Variants in TSPEAR observed in about 807,000 individuals in gnomAD.
The protein encoded by TSPEAR is thrombospondin type laminin G domain and EAR repeats, also known as thrombospondin-type laminin G domain and EAR repeat-containing protein.
TSPEAR carries 69 observed loss-of-function variants against 71.6 expected under a neutral mutation model. The ratio of observed to expected loss-of-function variants is 0.96; its 90% CI spans 0.79 to 1.18. The LOEUF is 1.18. Among genes scored for constraint, TSPEAR ranks in the 50% most tolerant of loss-of-function variants. TSPEAR has a pLI of 0.00. For synonymous variants in TSPEAR, 402 were observed against 387.2 expected, an observed-to-expected ratio of 1.04 and a Z score of -0.45; for missense variants, 971 against 894.9, an observed-to-expected ratio of 1.09 and a Z score of -1.09.
intron 1 of TSPEAR, chr21:44,638,337 G>GAGA: frequency 2.4e-6 from 1 of 411,614 alleles, no homozygotes; most frequent in South Asian, 4.2e-5. Flanking sequence ...ATGGCTGCCT[G>GAGA]TGGGACCCCA....
intron 11 of TSPEAR, 134 bp from the exon 12 acceptor site, chr21:44,500,070 C>T: frequency 1.1e-6 from 1 of 906,192 alleles, no homozygotes; most frequent in Non-Finnish European, 1.6e-6. Context: ...CCCCGACTGG[C>T]ACAGCGTGGG....
rs1473196913 is a variant in TSPEAR, at chr21:44,593,470, C to T, written c.83-25465G>A. On this transcript the variant is annotated intron_variant, in intron 1 of 11. Coordinates refer to ENST00000323084, the MANE Select transcript of TSPEAR (RefSeq NM_144991.3). This position sits in a 1 kb window ranked among gnomAD's most constrained non-coding sequence, Gnocchi z 5.9. The stretch of plus-strand genomic sequence containing the variant: ...GTTGATCTCACTGCAAACCCATTGC[C>T]AGTGTAAACGAAACATAAAATCCTA... Among the ~76,000 whole-genome samples the T allele has an allele frequency of 6.6e-6, 1 of 152,192 alleles. No individual in the cohort carries two copies. The highest frequency in any genetic ancestry group is 1.5e-5 in the Non-Finnish European group (1 of 68,030).
chr21:44,563,821 A>G (rs1330541551), intron 2 of TSPEAR, among the ~76,000 whole-genome samples: 2 of 152,210 alleles, frequency 1.3e-5, no homozygotes, highest in African/African-American at 4.8e-5. Flanking sequence ...CGAGTGTTAT[A>G]TATGTTTAAT....
rs113910251 is a variant in TSPEAR, at chr21:44,595,468, C to T, written c.83-27463G>A. Among the ~76,000 whole-genome samples, 255 of 152,320 alleles carry T rather than the reference C, an allele frequency of 1.7e-3. 2 individuals are homozygous for T. The highest frequency in any genetic ancestry group is 5.9e-3 in the African/African-American group (244 of 41,580). On this transcript the variant is annotated intron_variant, in intron 1 of 11. Coordinates refer to ENST00000323084, the MANE Select transcript of TSPEAR (RefSeq NM_144991.3). ...TCTGTCTGAAGACACCTTACTGAAT[C>T]TATATAGTTGATTTATCAACACTGA...
intron 1 of TSPEAR, among the ~76,000 whole-genome samples, chr21:44,632,112 A>G (rs1179410344): frequency 6.6e-6 from 1 of 152,258 alleles, no homozygotes; most frequent in Non-Finnish European, 1.5e-5. Context: ...ATTTGAAGTA[A>G]TAATGACCAA....
chr21:44,678,158 A>T, intron 1 of TSPEAR: 2 of 535,632 alleles, frequency 3.7e-6, no homozygotes, highest in South Asian at 4.3e-5. Context: ...AGGCATGTGT[A>T]CATATGTCAA....
chr21:44,668,616 A>C (rs1183285578), intron 1 of TSPEAR, among the ~76,000 whole-genome samples: 1 of 152,192 alleles, frequency 6.6e-6, no homozygotes, highest in Non-Finnish European at 1.5e-5. Flanking sequence ...GAGCTGGAGG[A>C]GTCACACTTT....
intron 1 of TSPEAR, among the ~76,000 whole-genome samples, chr21:44,705,452 A>T (rs937411921): frequency 4.6e-5 from 7 of 152,282 alleles, no homozygotes; most frequent in Admixed American, 3.9e-4. Context: ...CAGGAAGAAC[A>T]GAGCCATATT....
In TSPEAR at chr21:44,539,875, G is replaced by A. The variant is rs782811799; in HGVS notation, c.304-5952C>T. On this transcript the variant is annotated intron_variant, in intron 2 of 11. Transcript: ENST00000323084. Reference sequence around the variant, plus strand: ...CGCAGCAGGCCTGCTGGCAGGGGGAGGAGGTGCAGCAAGCCGGCTGGCAGC... The same window carrying A: ...CGCAGCAGGCCTGCTGGCAGGGGGAAGAGGTGCAGCAAGCCGGCTGGCAGC... The A allele has an allele frequency of 1.9e-6, 3 of 1,580,680 alleles. No homozygotes were observed. The African/African-American group carries it at 4.1e-5, about 22-fold the overall frequency.
chr21:44,580,745 CTTG>C, intron 1 of TSPEAR: 1 of 733,522 alleles, frequency 1.4e-6, no homozygotes, highest in Non-Finnish European at 2.3e-6. Context: ...GCTTCTCTTC[CTTG>C]TTGGTGTTTA....
intron 1 of TSPEAR, among the ~76,000 whole-genome samples, chr21:44,708,558 C>G (rs1555952964): frequency 3.7e-4 from 57 of 152,326 alleles, no homozygotes; most frequent in African/African-American, 1.3e-3. Flanking sequence ...CCCCAGTGAT[C>G]TTTTAAGATG....
chr21:44,508,715 C>T, intron 10 of TSPEAR: 2 of 1,231,426 alleles, frequency 1.6e-6, no homozygotes, highest in Non-Finnish European at 1.0e-6. Context: ...GATCTCACAT[C>T]TGTCTCAACA....
chr21:44,590,893 T>A (rs1483490947), intron 1 of TSPEAR, among the ~76,000 whole-genome samples: 1 of 152,040 alleles, frequency 6.6e-6, no homozygotes, highest in African/African-American at 2.4e-5. Context: ...AGAGGGAGAC[T>A]GGCCTTCAGG....
chr21:44,697,453 C>T, intron 1 of TSPEAR: 1 of 1,614,122 alleles, frequency 6.2e-7, no homozygotes. Flanking sequence ...CGCCCTCGTG[C>T]TGCCAGCAGT....
chr21:44,563,241 G>A (rs1451770006), intron 2 of TSPEAR, among the ~76,000 whole-genome samples: 3 of 152,052 alleles, frequency 2.0e-5, no homozygotes, highest in Non-Finnish European at 4.4e-5. Context: ...TCTTCTCTGA[G>A]CATCTTTAAA....
At chr21:44,677,794 G>A in intron 1 of TSPEAR, 1 of 1,294,846 alleles carries the variant, frequency 7.7e-7, no homozygotes. Context: ...TTTGGCAATG[G>A]AACATTATAA....
chr21:44,673,375 G>C (rs1207350975), intron 1 of TSPEAR, among the ~76,000 whole-genome samples: 3 of 152,040 alleles, frequency 2.0e-5, no homozygotes, highest in African/African-American at 7.2e-5. Context: ...ATCACCACTG[G>C]ACCAGCCATA....
chr21:44,509,302 C>T lies in TSPEAR; in HGVS notation c.1651G>A (p.Glu551Lys). 2.5e-6 allele frequency: 4 copies of T among 1,614,110 alleles called. No homozygotes were observed. Among genetic ancestry groups the T allele is most frequent in the Non-Finnish European group, 3.4e-6 (4 of 1,180,016 alleles). ...TAGGAATCATTCTGGACTTGCATCT[C>T]CACATCGTAGCTGTGACTGTTTGCC... ...AVANSHSYDVEMQVQNDSYVI... is the reference protein window; with the variant it reads ...AVANSHSYDVKMQVQNDSYVI... The change falls in exon 10 of 12, where the codon GAG (glutamate) becomes AAG (lysine). Residue 551 changes from glutamate to lysine, a missense_variant. Transcript: ENST00000323084.
chr21:44,558,622 A>T lies in TSPEAR; in HGVS notation c.303+9163T>A, dbSNP rs374099397. ...GCCGGGGCGCAGCAGCTGGTGGCGC[A>T]GCAGGGGGGCTCACAGCAGCTCTCT... On this transcript the variant is annotated intron_variant, in intron 2 of 11. Coordinates refer to ENST00000323084, the MANE Select transcript of TSPEAR (RefSeq NM_144991.3). 88 of 1,607,004 alleles carry T rather than the reference A, an allele frequency of 5.5e-5. No homozygotes were observed. Among genetic ancestry groups the T allele is most frequent in the African/African-American group, 4.5e-4 (34 of 74,952 alleles).
Sources: allele counts gnomAD v4.1 joint callset (sites outside exome capture counted in the v4.1 genomes callset), GRCh38; gene constraint gnomAD v4.1.1; non-coding constraint Gnocchi (gnomAD v3.1); transcripts MANE v1.5; gene names NCBI Gene and HGNC (gene_info 2026-07-23, HGNC 2026-07-21).